Variants in NIPAL3 observed in about 807,000 individuals in gnomAD.
The protein encoded by NIPAL3 is NIPA-like protein 3.
In NIPAL3, 41 loss-of-function variants were observed where a neutral mutation model predicts 47.2. The ratio of observed to expected loss-of-function variants is 0.87; its 90% CI spans 0.68 to 1.13. The LOEUF is 1.13. NIPAL3 is among the 50% of genes most tolerant of loss of function. The probability of loss-of-function intolerance (pLI) is 0.00; values close to 1 mark genes in which losing one functional copy is unlikely to be tolerated. For synonymous variants in NIPAL3, 194 were observed against 209.6 expected (o/e 0.93, Z 0.64); for missense variants, 449 against 530.1 (o/e 0.85, Z 1.50).
At chr1:24,435,559 G>C (rs149354253) in intron 2 of NIPAL3, among the ~76,000 whole-genome samples, 1 of 152,292 alleles carries the variant, frequency 6.6e-6, no homozygotes, top group Non-Finnish European at 1.5e-5. Context: ...AATTTTAGTA[G>C]TACATGAAAT....
intron 8 of NIPAL3, among the ~76,000 whole-genome samples, chr1:24,456,906 G>T (rs1646240540): frequency 6.6e-6 from 1 of 152,102 alleles, no homozygotes; most frequent in Admixed American, 6.5e-5. Flanking sequence ...GGGACTACAG[G>T]TGTATGCCAC....
chr1:24,471,975 A>G lies in NIPAL3; in HGVS notation c.*2790A>G, dbSNP rs1444494464. 1 of 146,338 alleles carries G rather than the reference A, an allele frequency of 6.8e-6. No homozygotes were observed. Among genetic ancestry groups the G allele is most frequent in the Non-Finnish European group, 1.5e-5 (1 of 66,658 alleles). The allele number at this position is 146,338 out of a possible 1,614,324, so 9.1% of individuals were successfully genotyped here. Reference sequence around the variant, plus strand: ...GATCATTAATAATTTGGGCATATATATGCTCCCAAACTTACTCTGCCCCCT... The same window carrying G: ...GATCATTAATAATTTGGGCATATATGTGCTCCCAAACTTACTCTGCCCCCT... On this transcript the variant is annotated 3_prime_UTR_variant, in exon 12 of 12. Transcript: ENST00000374399.
At chr1:24,439,718 T>C (rs1316353011) in intron 2 of NIPAL3, among the ~76,000 whole-genome samples, 1 of 152,218 alleles carries the variant, frequency 6.6e-6, no homozygotes, top group Non-Finnish European at 1.5e-5. Context: ...TTTTTATAAA[T>C]TGAGTAATTG....
At chr1:24,459,226 C>T (rs947254674) in intron 9 of NIPAL3, among the ~76,000 whole-genome samples, 3 of 152,218 alleles carry the variant, frequency 2.0e-5, no homozygotes, top group Non-Finnish European at 4.4e-5. Context: ...AGTGATAACA[C>T]TTAGCTCCTA....
intron 4 of NIPAL3, among the ~76,000 whole-genome samples, chr1:24,444,068 A>G (rs1471611545): frequency 1.3e-5 from 2 of 151,902 alleles, no homozygotes; most frequent in Admixed American, 1.3e-4. Flanking sequence ...TTCAGATATC[A>G]GCCACTGGAA....
At chr1:24,424,099 G>A (rs1347997069) in intron 2 of NIPAL3, among the ~76,000 whole-genome samples, 3 of 152,144 alleles carry the variant, frequency 2.0e-5, no homozygotes, top group Non-Finnish European at 4.4e-5. Context: ...TGCCTAGTAT[G>A]GAATATCTTC....
At chr1:24,425,909 C>T (rs1644564882) in intron 2 of NIPAL3, among the ~76,000 whole-genome samples, 1 of 152,180 alleles carries the variant, frequency 6.6e-6, no homozygotes, top group Non-Finnish European at 1.5e-5. Context: ...TGTCAGTCTT[C>T]CTGGCAATAA....
chr1:24,422,197 T>C (rs141640307), intron 2 of NIPAL3: 1 of 152,268 alleles, frequency 6.6e-6, no homozygotes, highest in African/African-American at 2.4e-5. Flanking sequence ...TGTTTCAGCA[T>C]TGGCATCTCG....
intron 10 of NIPAL3, among the ~76,000 whole-genome samples, chr1:24,461,368 C>A (rs1280522493): frequency 6.6e-6 from 1 of 151,588 alleles, no homozygotes; most frequent in Non-Finnish European, 1.5e-5. Context: ...ATGGAGAAAC[C>A]CCGTCTGTAC....
At chr1:24,439,806 A>G (rs1645290800) in intron 2 of NIPAL3, among the ~76,000 whole-genome samples, 1 of 152,246 alleles carries the variant, frequency 6.6e-6, no homozygotes, top group African/African-American at 2.4e-5. Flanking sequence ...TATTGACAAG[A>G]TAGCAAAAAG....
chr1:24,428,366 T>C (rs112069556), intron 2 of NIPAL3, among the ~76,000 whole-genome samples: 2 of 151,762 alleles, frequency 1.3e-5, no homozygotes, highest in East Asian at 1.9e-4. Context: ...TTTCTTCCAC[T>C]TTTTTTTGTA....
At chr1:24,419,866 G>A (rs1028421988) in intron 2 of NIPAL3, 15 of 428,126 alleles carry the variant, frequency 3.5e-5, no homozygotes, top group Middle Eastern at 4.8e-4. Flanking sequence ...GGCGGGTCAC[G>A]AGGTCAAGAG....
chr1:24,431,381 A>G (rs1471762221), intron 2 of NIPAL3, among the ~76,000 whole-genome samples: 1 of 152,194 alleles, frequency 6.6e-6, no homozygotes, highest in Non-Finnish European at 1.5e-5. Flanking sequence ...AACATACGAA[A>G]AGCTGGCAAA....
intron 2 of NIPAL3, among the ~76,000 whole-genome samples, chr1:24,432,423 G>A (rs1270125385): frequency 6.6e-6 from 1 of 152,128 alleles, no homozygotes; most frequent in Admixed American, 6.5e-5. Context: ...CATCGCGCCC[G>A]GCCAGATTGT....
At chr1:24,444,913 A>C (rs1316889961) in intron 4 of NIPAL3, among the ~76,000 whole-genome samples, 1 of 152,220 alleles carries the variant, frequency 6.6e-6, no homozygotes, top group African/African-American at 2.4e-5. Flanking sequence ...TCCAAGGGTG[A>C]ACATGCCAGA....
intron 2 of NIPAL3, 62 bp downstream of exon 2, chr1:24,419,702 C>G: frequency 7.0e-7 from 1 of 1,432,712 alleles, no homozygotes; most frequent in Non-Finnish European, 9.7e-7. Context: ...ACACAGTGCT[C>G]TGCATTGGCT....
intron 5 of NIPAL3, among the ~76,000 whole-genome samples, chr1:24,448,033 A>G (rs1645754870): frequency 6.6e-6 from 1 of 152,264 alleles, no homozygotes; most frequent in African/African-American, 2.4e-5. Flanking sequence ...AACTTTAGAT[A>G]ACAGACCTAC....
chr1:24,439,455 G>GAATAAGAA (rs1461099681), intron 2 of NIPAL3, among the ~76,000 whole-genome samples: 1 of 152,056 alleles, frequency 6.6e-6, no homozygotes, highest in Non-Finnish European at 1.5e-5. Flanking sequence ...ATGTTTGCAG[G>GAATAAGAA]AATAAGAACC....
chr1:24,436,841 A>G (rs61773969), intron 2 of NIPAL3, among the ~76,000 whole-genome samples: 65,105 of 152,012 alleles, frequency 0.43, 15,252 homozygotes, highest in African/African-American at 0.64. Context: ...TTAGTTGTAC[A>G]TAGCAGGAAG....
Sources: gnomAD v4.1 joint callset for allele counts (sites outside exome capture counted in the v4.1 genomes callset) on GRCh38, gnomAD v4.1.1 for gene constraint, MANE v1.5 for transcripts, NCBI Gene and HGNC (gene_info 2026-07-23, HGNC 2026-07-21) for gene names.